The following KCNJ3 variants were observed in gnomAD, a reference collection of about 807,000 sequenced individuals.
KCNJ3 encodes G protein-activated inward rectifier potassium channel 1.
Under a neutral mutation model 39.2 loss-of-function variants are expected in KCNJ3, and 4 were observed. The ratio of observed to expected loss-of-function variants is 0.10; its 90% CI spans 0.05 to 0.23. The LOEUF is 0.23. KCNJ3 is among the 10% of genes least tolerant of loss of function. The probability of loss-of-function intolerance (pLI) is 1.00; values close to 1 mark genes in which losing one functional copy is unlikely to be tolerated. For missense variants in KCNJ3, 276 were observed against 634.9 expected, an observed-to-expected ratio of 0.43 and a Z score of 6.08; for synonymous variants, 230 against 237.4, an observed-to-expected ratio of 0.97 and a Z score of 0.29.
At chr2:154,741,996 T>C (rs1685661999) in intron 2 of KCNJ3, among the ~76,000 whole-genome samples, 1 of 151,808 alleles carries the variant, frequency 6.6e-6, no homozygotes, top group Non-Finnish European at 1.5e-5. Context: ...TCTTTTCATC[T>C]TAAAACTGAA....
chr2:154,811,433 C>T (rs772330264), intron 2 of KCNJ3, among the ~76,000 whole-genome samples: 16 of 152,042 alleles, frequency 1.1e-4, no homozygotes, highest in African/African-American at 1.5e-4. Flanking sequence ...ACCACAGGTG[C>T]GCACCACCAT....
chr2:154,838,220 G>GAGAT (rs1351693008), intron 2 of KCNJ3, among the ~76,000 whole-genome samples: 1 of 152,184 alleles, frequency 6.6e-6, no homozygotes, highest in Non-Finnish European at 1.5e-5. Context: ...AACAGGTGGA[G>GAGAT]AGATGGAAGA....
In KCNJ3 at chr2:154,833,727, C is replaced by T. The variant is rs1411118927; in HGVS notation, c.920-21000C>T. On this transcript the variant is annotated intron_variant, in intron 2 of 2. Coordinates refer to ENST00000295101, the MANE Select transcript of KCNJ3 (RefSeq NM_002239.4). ...CGTCTCCCTAAACCCCTGGCAATCA[C>T]TGATCTTTCTACTCTTTCCATAGTT... Among the ~76,000 whole-genome samples the T allele has an allele frequency of 2.6e-5, 4 of 152,190 alleles. No individual in the cohort carries two copies. In the East Asian group the frequency reaches 7.7e-4, roughly 29 times the overall value.
At chr2:154,751,814 T>C (rs1685849476) in intron 2 of KCNJ3, among the ~76,000 whole-genome samples, 5 of 152,006 alleles carry the variant, frequency 3.3e-5, no homozygotes, top group Non-Finnish European at 7.4e-5. Flanking sequence ...ATTGATGGAC[T>C]CTTCTCCAAG....
intron 2 of KCNJ3, among the ~76,000 whole-genome samples, chr2:154,720,522 T>G: frequency 6.6e-6 from 1 of 152,142 alleles, no homozygotes; most frequent in East Asian, 1.9e-4. Context: ...AATTTTATTT[T>G]ACTTTATTTT....
intron 2 of KCNJ3, among the ~76,000 whole-genome samples, chr2:154,750,525 A>C (rs941977567): frequency 6.6e-6 from 1 of 151,996 alleles, no homozygotes; most frequent in Non-Finnish European, 1.5e-5. Context: ...AAATTATATT[A>C]TTTATGAGAT....
rs1687846180 is a variant in KCNJ3, at chr2:154,856,749, C to G, written c.*1436C>G. The G allele has an allele frequency of 6.6e-6, 1 of 152,074 alleles. No homozygotes were observed. The highest frequency in any genetic ancestry group is 2.4e-5 in the African/African-American group (1 of 41,420). 9.4% of individuals were successfully genotyped at this position (152,074 alleles called of 1,614,324 possible). On this transcript the variant is annotated 3_prime_UTR_variant, in exon 3 of 3. Transcript: ENST00000295101. The stretch of plus-strand genomic sequence containing the variant: ...TAATCCTGAAGTCTGATATTTATGA[C>G]TCATTAGCAGGAATCAAAACTAGTG...
intron 2 of KCNJ3, among the ~76,000 whole-genome samples, chr2:154,772,151 A>T (rs780841622): frequency 6.6e-6 from 1 of 152,198 alleles, no homozygotes; most frequent in Non-Finnish European, 1.5e-5. Flanking sequence ...GTAAAACAAC[A>T]TTGACACAAA....
rs1553454964 is a variant in KCNJ3 at position 154,724,917 on chromosome 2, G to GTATATATATACATATATA, written c.919+15108_919+15109insCATATATATATATATATA. Among the ~76,000 whole-genome samples the GTATATATATACATATATA allele has an allele frequency of 3.4e-5, 4 of 116,302 alleles. No individual in the cohort carries two copies. The East Asian group carries it at 9.9e-4, about 29-fold the overall frequency. The allele number at this position is 116,302 out of a possible 152,430, so 76.3% of individuals were successfully genotyped here. A position where few individuals can be genotyped will look rare whatever the true frequency, so the allele number is the denominator to read the frequency against. On this transcript the variant is annotated intron_variant, in intron 2 of 2. Coordinates refer to ENST00000295101, the MANE Select transcript of KCNJ3 (RefSeq NM_002239.4). The stretch of plus-strand genomic sequence containing the variant: ...TGTATATATACAAGATACATATGAG[G>GTATATATATACATATATA]TATATATATATATATATATACCTTT...
intron 2 of KCNJ3, among the ~76,000 whole-genome samples, chr2:154,795,597 C>T (rs906076568): frequency 7.9e-5 from 12 of 151,946 alleles, no homozygotes; most frequent in Admixed American, 2.0e-4. Context: ...CTTTAGCTTA[C>T]GAAGGGCATT....
At chr2:154,750,666 T>C (rs1411436047) in intron 2 of KCNJ3, among the ~76,000 whole-genome samples, 2 of 151,968 alleles carry the variant, frequency 1.3e-5, no homozygotes, top group Non-Finnish European at 2.9e-5. Context: ...CATACAATTT[T>C]TTCACCGTCC....
At chr2:154,825,541 ATTATTTATTTAT>A (rs141631387) in intron 2 of KCNJ3, among the ~76,000 whole-genome samples, 2,306 of 144,174 alleles carry the variant, frequency 0.016, 66 homozygotes, top group African/African-American at 0.048. Flanking sequence ...AACTCATGAA[ATTATTTATTTAT>A]TTATTTATTT....
At chr2:154,705,451 C>G (rs551190586) in intron 1 of KCNJ3, among the ~76,000 whole-genome samples, 2 of 152,212 alleles carry the variant, frequency 1.3e-5, no homozygotes, top group East Asian at 3.9e-4. Flanking sequence ...CTTCTAGGCA[C>G]CTGTGACTTT....
intron 2 of KCNJ3, among the ~76,000 whole-genome samples, chr2:154,715,233 A>T (rs557204902): frequency 1.3e-5 from 2 of 152,326 alleles, no homozygotes; most frequent in East Asian, 3.9e-4. Context: ...CTGTTTGCAT[A>T]CAGATAGCAA....
At chr2:154,753,886 T>C (rs1342055285) in intron 2 of KCNJ3, among the ~76,000 whole-genome samples, 2 of 152,222 alleles carry the variant, frequency 1.3e-5, no homozygotes, top group African/African-American at 4.8e-5. Context: ...AAAAGTTATG[T>C]AATTAGCAGA....
intron 2 of KCNJ3, among the ~76,000 whole-genome samples, chr2:154,799,820 T>C (rs917950273): frequency 6.6e-6 from 1 of 152,186 alleles, no homozygotes; most frequent in African/African-American, 2.4e-5. Context: ...TCTCTGTTCT[T>C]GGAATTTATA....
At chr2:154,715,115 C>G (rs565735166) in intron 2 of KCNJ3, among the ~76,000 whole-genome samples, 3 of 152,286 alleles carry the variant, frequency 2.0e-5, no homozygotes, top group Admixed American at 2.0e-4. Flanking sequence ...GGCTGCTACT[C>G]CCTGTTAGTA....
chr2:154,762,325 G>A (rs1175171973), intron 2 of KCNJ3, among the ~76,000 whole-genome samples: 2 of 152,176 alleles, frequency 1.3e-5, no homozygotes, highest in African/African-American at 4.8e-5. Context: ...AATAACAAAC[G>A]TTGTCATAGT....
intron 2 of KCNJ3, among the ~76,000 whole-genome samples, chr2:154,779,474 A>ATT (rs1162078725): frequency 7.5e-6 from 1 of 133,682 alleles, no homozygotes; most frequent in Non-Finnish European, 1.5e-5. Flanking sequence ...TGTTGTATAT[A>ATT]TTATATATAT....
Sources: gnomAD v4.1 joint callset for allele counts (sites outside exome capture counted in the v4.1 genomes callset) on GRCh38, gnomAD v4.1.1 for gene constraint, MANE v1.5 for transcripts, NCBI Gene and HGNC (gene_info 2026-07-23, HGNC 2026-07-21) for gene names.